PLEKHM3: variants seen among roughly 807,000 people sequenced by gnomAD.
PLEKHM3 encodes pleckstrin homology domain-containing family M member 3.
Under a neutral mutation model 81.8 loss-of-function variants are expected in PLEKHM3, and 45 were observed. That is an observed-to-expected ratio of 0.55 (90% CI 0.43 to 0.71). The LOEUF is 0.71. Ranked by LOEUF, PLEKHM3 falls within the 30% of genes least tolerant of loss-of-function variation. The probability of loss-of-function intolerance (pLI) is 0.00; values close to 1 mark genes in which losing one functional copy is unlikely to be tolerated. For synonymous variants in PLEKHM3, 352 were observed against 356.4 expected (o/e 0.99, Z 0.14); for missense variants, 788 against 924.3 (o/e 0.85, Z 1.91).
intron 2 of PLEKHM3, among the ~76,000 whole-genome samples, chr2:207,995,993 A>C (rs1692108847): frequency 6.6e-6 from 1 of 152,232 alleles, no homozygotes; most frequent in African/African-American, 2.4e-5. Context: ...GGACAGACTA[A>C]AGGGCAAACC....
intron 3 of PLEKHM3, among the ~76,000 whole-genome samples, chr2:207,975,135 G>A (rs1691262461): frequency 6.7e-6 from 1 of 149,496 alleles, no homozygotes; most frequent in Admixed American, 6.7e-5. Flanking sequence ...GTCTAGTAGA[G>A]CTTCTTAACT....
At chr2:207,838,502 C>T (rs2092332659) in intron 7 of PLEKHM3, among the ~76,000 whole-genome samples, 1 of 152,194 alleles carries the variant, frequency 6.6e-6, no homozygotes, top group African/African-American at 2.4e-5. Flanking sequence ...TGCTACCCTA[C>T]TGGGGACATT....
chr2:207,991,229 A>G (rs1283259735), intron 2 of PLEKHM3, among the ~76,000 whole-genome samples: 1 of 152,180 alleles, frequency 6.6e-6, no homozygotes, highest in East Asian at 1.9e-4. Flanking sequence ...TATCTAATCT[A>G]TAGGAATTAA....
chr2:207,976,134 C>T lies in PLEKHM3; in HGVS notation c.1546+517G>A, dbSNP rs991671754. On this transcript the variant is annotated intron_variant, in intron 3 of 7. Transcript: ENST00000427836. The surrounding 1 kb of genome is among the most constrained non-coding windows in gnomAD (Gnocchi z 4.1). ...TCATCATTTACTCCGCTTTTAGCCA[C>T]CCCCACATTTTCTGTCAAGACTGAT... is the stretch of plus-strand genomic sequence containing the variant. 6.6e-6 allele frequency among the ~76,000 whole-genome samples: 1 copy of T among 152,144 alleles called. No homozygotes were observed. The highest frequency in any genetic ancestry group is 2.4e-5 in the African/African-American group (1 of 41,418).
chr2:207,993,139 C>T (rs774159978), intron 2 of PLEKHM3, among the ~76,000 whole-genome samples: 1 of 151,962 alleles, frequency 6.6e-6, no homozygotes, highest in Non-Finnish European at 1.5e-5. Flanking sequence ...ATAGGACAAC[C>T]AGGAAAAAAT....
At chr2:207,889,076 G>A (rs192780354) in intron 6 of PLEKHM3, among the ~76,000 whole-genome samples, 1 of 152,150 alleles carries the variant, frequency 6.6e-6, no homozygotes, top group Non-Finnish European at 1.5e-5. Flanking sequence ...ACTTTGTGGT[G>A]ATCTGAATGG....
intron 2 of PLEKHM3, among the ~76,000 whole-genome samples, chr2:207,999,939 AGT>A (rs1692240985): frequency 6.6e-6 from 1 of 152,226 alleles, no homozygotes; most frequent in South Asian, 2.1e-4. Context: ...AATGTCTCCT[AGT>A]TAATTGAGTA....
At chr2:207,990,210 CAT>C (rs928480815) in intron 2 of PLEKHM3, among the ~76,000 whole-genome samples, 29 of 152,174 alleles carry the variant, frequency 1.9e-4, no homozygotes, top group African/African-American at 5.6e-4. Context: ...AGTCTCAAGA[CAT>C]GTGTGGTTGC....
At chr2:207,865,801 A>AAATAT in intron 6 of PLEKHM3, among the ~76,000 whole-genome samples, 11 of 25,286 alleles carry the variant, frequency 4.4e-4, no homozygotes, top group East Asian at 3.3e-3. Context: ...AAAAAAAAAA[A>AAATAT]AGATATATAT....
chr2:207,960,079 G>A (rs1029659588), intron 3 of PLEKHM3, among the ~76,000 whole-genome samples: 3 of 152,184 alleles, frequency 2.0e-5, no homozygotes, highest in African/African-American at 4.8e-5. Context: ...TACTAGGTAA[G>A]ACACAAGTGG....
At chr2:207,839,743 T>C (rs1415974283) in intron 7 of PLEKHM3, among the ~76,000 whole-genome samples, 1 of 151,926 alleles carries the variant, frequency 6.6e-6, no homozygotes, top group Non-Finnish European at 1.5e-5. Flanking sequence ...CTGGGCAACA[T>C]AGGGAGATCC....
intron 4 of PLEKHM3, among the ~76,000 whole-genome samples, chr2:207,934,869 C>T (rs73983651): frequency 0.011 from 1,745 of 152,284 alleles, 34 homozygotes; most frequent in African/African-American, 0.04. Flanking sequence ...AAACAAAGTT[C>T]TTGAATGTTG....
At chr2:207,915,015 C>T (rs933922852) in intron 5 of PLEKHM3, among the ~76,000 whole-genome samples, 8 of 152,138 alleles carry the variant, frequency 5.3e-5, no homozygotes, top group African/African-American at 4.8e-5. Flanking sequence ...TCAAAGGAAA[C>T]GATATCACTA....
chr2:207,986,645 T>C (rs1179970450), intron 2 of PLEKHM3, among the ~76,000 whole-genome samples: 1 of 151,478 alleles, frequency 6.6e-6, no homozygotes, highest in Non-Finnish European at 1.5e-5. Context: ...ATTACTTGAA[T>C]ATAGACTTCT....
At chr2:207,946,288 T>C in intron 4 of PLEKHM3, 79 bp downstream of exon 4, 2 of 1,485,978 alleles carry the variant, frequency 1.3e-6, no homozygotes, top group Non-Finnish European at 9.2e-7. Context: ...AATTGTTTGA[T>C]CACCATCTTT....
chr2:207,863,382 C>T (rs1459390026), intron 6 of PLEKHM3, among the ~76,000 whole-genome samples: 1 of 152,228 alleles, frequency 6.6e-6, no homozygotes, highest in Non-Finnish European at 1.5e-5. Flanking sequence ...CTTTCTTCCA[C>T]CAGACTCCAA....
chr2:207,859,720 C>A (rs1262908434), intron 7 of PLEKHM3, among the ~76,000 whole-genome samples: 2 of 151,914 alleles, frequency 1.3e-5, no homozygotes, highest in Non-Finnish European at 2.9e-5. Flanking sequence ...GCCTCAACCT[C>A]CTGAGTAGCT....
chr2:207,895,432 G>A (rs1456307637), intron 6 of PLEKHM3, among the ~76,000 whole-genome samples: 4 of 152,186 alleles, frequency 2.6e-5, no homozygotes, highest in East Asian at 1.9e-4. Flanking sequence ...ACTCAAATCC[G>A]TAGTTTTATT....
chr2:207,929,682 A>G (rs1446673504), intron 5 of PLEKHM3, among the ~76,000 whole-genome samples: 1 of 152,248 alleles, frequency 6.6e-6, no homozygotes, highest in Non-Finnish European at 1.5e-5. Flanking sequence ...CAACTAGGTA[A>G]TAGAATGACT....
Sources: gnomAD v4.1 joint callset for allele counts (sites outside exome capture counted in the v4.1 genomes callset) on GRCh38, gnomAD v4.1.1 for gene constraint, Gnocchi (gnomAD v3.1) non-coding constraint, MANE v1.5 for transcripts, NCBI Gene and HGNC (gene_info 2026-07-23, HGNC 2026-07-21) for gene names.